BCAP29: variants seen among roughly 807,000 people sequenced by gnomAD.
BCAP29 encodes the protein B-cell receptor-associated protein 29.
A neutral mutation model predicts 31.8 loss-of-function variants in BCAP29; 34 were observed. The ratio of observed to expected loss-of-function variants is 1.07; its 90% CI spans 0.81 to 1.42. BCAP29 has a LOEUF of 1.42. Ranked by LOEUF, BCAP29 falls within the 40% of genes most tolerant of loss-of-function variation. The pLI is 0.00. For missense variants in BCAP29, 314 were observed against 269.2 expected (o/e 1.17, Z -1.16); for synonymous variants, 104 against 91.3 (o/e 1.14, Z -0.79).
At chr7:107,599,777 T>G (rs1810813967) in intron 5 of BCAP29, among the ~76,000 whole-genome samples, 1 of 152,146 alleles carries the variant, frequency 6.6e-6, no homozygotes, top group African/African-American at 2.4e-5. Context: ...TAATTTTTCT[T>G]ACCTAGAAAA....
chr7:107,591,656 A>ACACACC lies in BCAP29; in HGVS notation c.194-2298_194-2297insACACCC. 2.2e-5 allele frequency among the ~76,000 whole-genome samples: 3 copies of ACACACC among 136,076 alleles called. No individual in the cohort carries two copies. The East Asian group carries it at 6.5e-4, about 30-fold the overall frequency. 89.3% of individuals were successfully genotyped at this position (136,076 alleles called of 152,430 possible). The stretch of plus-strand genomic sequence containing the variant: ...CATACACACATACACACACACACAC[A>ACACACC]CCCTATTGGTTCTTTTTCCCTGGAG... On this transcript the variant is annotated intron_variant, in intron 3 of 7. Transcript: ENST00000005259.
intron 5 of BCAP29, among the ~76,000 whole-genome samples, chr7:107,598,998 T>C (rs1810386766): frequency 1.9e-5 from 1 of 53,860 alleles, no homozygotes; most frequent in Non-Finnish European, 3.2e-5. Context: ...TATATATTTA[T>C]AGATCTACAA....
chr7:107,613,204 A>C (rs1452589567), intron 6 of BCAP29, 128 bp from the exon 7 acceptor site: 1 of 626,454 alleles, frequency 1.6e-6, no homozygotes, highest in Admixed American at 3.1e-5. Flanking sequence ...TATGATAACA[A>C]ATGTAGCACA....
At chr7:107,605,427 G>T (rs945011647) in intron 6 of BCAP29, among the ~76,000 whole-genome samples, 1 of 152,154 alleles carries the variant, frequency 6.6e-6, no homozygotes, top group Non-Finnish European at 1.5e-5. Flanking sequence ...TGAAACATGG[G>T]CTAGTCTACC....
chr7:107,606,948 C>T (rs912803405), intron 6 of BCAP29, among the ~76,000 whole-genome samples: 4 of 152,066 alleles, frequency 2.6e-5, no homozygotes, highest in African/African-American at 9.7e-5. Context: ...AATAGTAACA[C>T]AAGGCTTATA....
chr7:107,615,290 A>C, intron 7 of BCAP29: 1 of 456,710 alleles, frequency 2.2e-6, no homozygotes, highest in Non-Finnish European at 4.4e-6. Flanking sequence ...TGGTAAAGGA[A>C]GTAGAAAGCT....
At chr7:107,611,821 T>A (rs1813177705) in intron 6 of BCAP29, among the ~76,000 whole-genome samples, 1 of 152,340 alleles carries the variant, frequency 6.6e-6, no homozygotes, top group African/African-American at 2.4e-5. Context: ...AGAGCTGTGC[T>A]GCCCAATATG....
intron 6 of BCAP29, among the ~76,000 whole-genome samples, chr7:107,609,109 CATTA>C (rs1489962725): frequency 2.0e-5 from 3 of 152,132 alleles, no homozygotes; most frequent in African/African-American, 4.8e-5. Flanking sequence ...TAAAGGATGA[CATTA>C]ATTAGCCAGA....
chr7:107,595,965 C>T lies in BCAP29; in HGVS notation c.443C>T (p.Ala148Val). 1 of 1,571,434 alleles carries T rather than the reference C, an allele frequency of 6.4e-7. No individual in the cohort carries two copies. Among genetic ancestry groups the T allele is most frequent in the Admixed American group, 2.1e-5 (1 of 48,394 alleles). Residue 148 changes from alanine to valine, a missense_variant, in exon 5 of 8, where the codon GCC (alanine) becomes GTC (valine). By Grantham distance (64) the Ala-to-Val change is moderately conservative. Coordinates refer to ENST00000005259, the MANE Select transcript of BCAP29 (RefSeq NM_018844.4). Reference sequence around the variant, plus strand: ...CAAGCAGAAAATACTAACAAGGCTGCCAAAAAATTTATGGAAGAAAACGAA... The same window carrying T: ...CAAGCAGAAAATACTAACAAGGCTGTCAAAAAATTTATGGAAGAAAACGAA... ...KTQAENTNKA[A>V]KKFMEENEKL...
At chr7:107,617,174 A>G (rs1814340108) in intron 7 of BCAP29, among the ~76,000 whole-genome samples, 1 of 152,254 alleles carries the variant, frequency 6.6e-6, no homozygotes. Flanking sequence ...TTGTCAAACT[A>G]ATCTTAGATA....
intron 2 of BCAP29, among the ~76,000 whole-genome samples, chr7:107,581,884 C>T (rs1806739872): frequency 1.3e-5 from 2 of 152,258 alleles, no homozygotes; most frequent in South Asian, 4.1e-4. Context: ...GGTCTTTGAT[C>T]TTATTTGATC....
chr7:107,596,131 A>G (rs1338158105), intron 5 of BCAP29, 129 bp downstream of exon 5: 3 of 755,102 alleles, frequency 4.0e-6, no homozygotes, highest in Non-Finnish European at 3.9e-6. Context: ...ACAATATTTT[A>G]TGTAATGATT....
At chr7:107,588,187 A>G (rs1005600054) in intron 3 of BCAP29, among the ~76,000 whole-genome samples, 1 of 152,204 alleles carries the variant, frequency 6.6e-6, no homozygotes, top group Non-Finnish European at 1.5e-5. Context: ...GCAAATTAGT[A>G]TGTTCATGGT....
rs1249586625 is a variant in BCAP29, at chr7:107,600,419, A to T, written c.503A>T (p.Asp168Val). The T allele has an allele frequency of 3.7e-6, 6 of 1,607,896 alleles. No homozygotes were observed. The highest frequency in any genetic ancestry group is 1.7e-5 in the Admixed American group (1 of 59,788). Residue 168 changes from aspartate (D) to valine (V), a missense_variant, in exon 6 of 8, where the codon GAT becomes GTT. Asp to Val is a radical substitution (Grantham distance 152). Transcript: ENST00000005259. ...LKRILKSHGKDEECVLEAENK... is the reference protein window; with the variant it reads ...LKRILKSHGKVEECVLEAENK... ...TAGATTTTGAAAAGCCATGGTAAAG[A>T]TGAAGAATGTGTTTTGGAAGCAGAA...
intron 3 of BCAP29, chr7:107,587,402 A>C (rs1585056023): frequency 1.3e-5 from 2 of 152,242 alleles, no homozygotes; most frequent in Non-Finnish European, 2.9e-5. Context: ...ATTATTGGTT[A>C]ATCTTCAGCT....
chr7:107,584,097 T>C, intron 3 of BCAP29, 115 bp downstream of exon 3: 1 of 538,974 alleles, frequency 1.9e-6, no homozygotes, highest in Non-Finnish European at 3.2e-6. Context: ...AGTATATTGA[T>C]AGTACATAGA....
At chr7:107,580,697 G>C (rs371962608) in intron 1 of BCAP29, 62 bp from the exon 2 acceptor site, 8 of 1,166,640 alleles carry the variant, frequency 6.9e-6, no homozygotes, top group Non-Finnish European at 8.7e-6. Flanking sequence ...GCTGCGCCTC[G>C]GGGCCTTGAA....
rs1563134258 is a variant in BCAP29, at chr7:107,599,308, T to TA, written c.481-1089_481-1088insA. On this transcript the variant is annotated intron_variant, in intron 5 of 7. Coordinates refer to ENST00000005259, the MANE Select transcript of BCAP29 (RefSeq NM_018844.4). ...TTTTATATATAAATTATATATAAATTTTATATATATATATATAAATATATA... is the reference window on the plus strand; with the variant it reads ...TTTTATATATAAATTATATATAAATTATTATATATATATATATAAATATATA... Among the ~76,000 whole-genome samples the TA allele has an allele frequency of 1.3e-3, 50 of 37,358 alleles. 2 individuals carry two copies. The highest frequency in any genetic ancestry group is 6.7e-3 in the African/African-American group (36 of 5,404). The allele number at this position is 37,358 out of a possible 152,430, so 24.5% of individuals were successfully genotyped here. A position where few individuals can be genotyped will look rare whatever the true frequency, so the allele number is the denominator to read the frequency against.
chr7:107,582,920 C>CA (rs755399670), intron 2 of BCAP29, among the ~76,000 whole-genome samples: 3 of 152,044 alleles, frequency 2.0e-5, no homozygotes, highest in Non-Finnish European at 2.9e-5. Context: ...GAAGCAGAGA[C>CA]AAAATGAACC....
Sources: allele counts gnomAD v4.1 joint callset (sites outside exome capture counted in the v4.1 genomes callset), GRCh38; gene constraint gnomAD v4.1.1; transcripts MANE v1.5; gene names NCBI Gene and HGNC (gene_info 2026-07-23, HGNC 2026-07-21).